SCRN3: variants seen among roughly 807,000 people sequenced by gnomAD.
SCRN3 encodes the protein secernin-3.
Under a neutral mutation model 43.1 loss-of-function variants are expected in SCRN3, and 39 were observed. The observed-to-expected ratio is 0.91, with a 90% confidence interval of 0.70 to 1.18. SCRN3 has a LOEUF of 1.18. SCRN3 is among the 50% of genes most tolerant of loss of function. SCRN3 has a pLI of 0.00. For synonymous variants in SCRN3, 147 were observed against 163.1 expected, an observed-to-expected ratio of 0.90 and a Z score of 0.75; for missense variants, 484 against 498.0, an observed-to-expected ratio of 0.97 and a Z score of 0.27.
At chr2:174,409,812 C>G (rs556908298) in intron 5 of SCRN3, among the ~76,000 whole-genome samples, 1 of 142,790 alleles carries the variant, frequency 7.0e-6, no homozygotes, top group Admixed American at 7.0e-5. Flanking sequence ...GGCAGTCTGC[C>G]GGTTCTCAGA....
chr2:174,424,713 A>G lies in SCRN3; in HGVS notation c.1092+64A>G. ...AAAGTTAGATTCAATCCGTATTTTG[A>G]ACTTTGGAGTATCAGCTTTCCTCCC... On this transcript the variant is annotated intron_variant, in intron 7 of 7. Coordinates refer to ENST00000272732, the MANE Select transcript of SCRN3 (RefSeq NM_024583.5). The G allele has an allele frequency of 2.3e-6, 3 of 1,320,872 alleles. No individual in the cohort carries two copies. The South Asian group carries it at 4.2e-5, about 19-fold the overall frequency. 81.8% of individuals were successfully genotyped at this position (1,320,872 alleles called of 1,614,324 possible).
In SCRN3 at chr2:174,404,194, T is replaced by G; in HGVS notation, c.633T>G (p.Gly211=). The change falls in exon 5 of 8, where the codon GGT becomes GGG. Residue 211 remains glycine (G), a synonymous_variant. Coordinates refer to ENST00000272732, the MANE Select transcript of SCRN3 (RefSeq NM_024583.5). ...PDMRNYAKRK[G]WWDGKKEFDF... is the part of the protein sequence containing the mutation. ...TGAGAAACTATGCTAAGCGGAAAGG[T>G]TGGTGGGATGGTAAAAAGGAGTTTG... 6.2e-7 allele frequency: 1 copy of G among 1,613,618 alleles called. No individual in the cohort carries two copies. The highest frequency in any genetic ancestry group is 1.7e-5 in the Admixed American group (1 of 59,938).
chr2:174,398,045 C>G, intron 1 of SCRN3: 1 of 258,760 alleles, frequency 3.9e-6, no homozygotes, highest in South Asian at 7.4e-5. Context: ...GGAGGATCTC[C>G]TGAGCCCAGG....
intron 5 of SCRN3, among the ~76,000 whole-genome samples, chr2:174,421,866 A>G (rs1439429368): frequency 6.6e-6 from 1 of 152,170 alleles, no homozygotes; most frequent in African/African-American, 2.4e-5. Context: ...TAAGTTCTGT[A>G]TGGGTCCTGC....
At chr2:174,396,975 T>C in intron 1 of SCRN3, 1 of 595,992 alleles carries the variant, frequency 1.7e-6, no homozygotes, top group Non-Finnish European at 2.1e-6. Flanking sequence ...ATTTTTCTGA[T>C]GAGGCAGAAG....
At chr2:174,401,757 G>C (rs1685515719) in intron 4 of SCRN3, among the ~76,000 whole-genome samples, 1 of 152,192 alleles carries the variant, frequency 6.6e-6, no homozygotes, top group Admixed American at 6.5e-5. Context: ...GAGATGTAAA[G>C]TGATTTAAGG....
At chr2:174,413,586 C>CTTTTTTTTTTTTTTTTTTTTTT (rs10524979) in intron 5 of SCRN3, among the ~76,000 whole-genome samples, 2 of 90,226 alleles carry the variant, frequency 2.2e-5, no homozygotes, top group African/African-American at 3.7e-5. Flanking sequence ...TTTGTCTTTC[C>CTTTTTTTTTTTTTTTTTTTTTT]TTTTTTTTTT....
chr2:174,417,976 A>G (rs1464195178), intron 5 of SCRN3, among the ~76,000 whole-genome samples: 1 of 152,242 alleles, frequency 6.6e-6, no homozygotes, highest in Non-Finnish European at 1.5e-5. Context: ...TTAAAGGCTC[A>G]GGAAATAAAT....
chr2:174,419,647 CCAA>C (rs1686229477), intron 5 of SCRN3, among the ~76,000 whole-genome samples: 2 of 152,108 alleles, frequency 1.3e-5, no homozygotes, highest in Non-Finnish European at 2.9e-5. Flanking sequence ...CCTCAGACTC[CCAA>C]ACTGGTGGGA....
chr2:174,423,625 A>C (rs1431528864), intron 6 of SCRN3, among the ~76,000 whole-genome samples: 1 of 151,890 alleles, frequency 6.6e-6, no homozygotes, highest in African/African-American at 2.4e-5. Flanking sequence ...GTGCGCCACC[A>C]CACCCAGCTA....
chr2:174,413,901 C>A (rs1177736365), intron 5 of SCRN3, among the ~76,000 whole-genome samples: 1 of 151,976 alleles, frequency 6.6e-6, no homozygotes, highest in Non-Finnish European at 1.5e-5. Context: ...TGCCCCCTCA[C>A]TTCCTACTGC....
chr2:174,395,941 C>T, intron 1 of SCRN3, 124 bp downstream of exon 1: 1 of 1,409,060 alleles, frequency 7.1e-7, no homozygotes, highest in Non-Finnish European at 9.2e-7. Context: ...GCGGTTTGAG[C>T]GCCCAGGGCC....
At chr2:174,418,748 G>T (rs188359164) in intron 5 of SCRN3, among the ~76,000 whole-genome samples, 11 of 152,258 alleles carry the variant, frequency 7.2e-5, no homozygotes, top group Non-Finnish European at 1.3e-4. Context: ...AGGCTCACTA[G>T]GTGTTGAAAC....
chr2:174,421,103 A>T (rs963728517), intron 5 of SCRN3, among the ~76,000 whole-genome samples: 3 of 152,234 alleles, frequency 2.0e-5, no homozygotes, highest in Non-Finnish European at 4.4e-5. Context: ...CAAGGAACAA[A>T]TATAAAGCTG....
chr2:174,426,536 C>G (rs1351553026), intron 7 of SCRN3, among the ~76,000 whole-genome samples: 1 of 152,110 alleles, frequency 6.6e-6, no homozygotes, highest in Non-Finnish European at 1.5e-5. Context: ...CTTTGGGAGG[C>G]CAAGGCGGGT....
intron 2 of SCRN3, 93 bp from the exon 3 acceptor site, chr2:174,399,829 T>C (rs750260858): frequency 4.9e-5 from 45 of 910,548 alleles, no homozygotes; most frequent in Non-Finnish European, 1.0e-5. Flanking sequence ...CATAACAGTT[T>C]TGTCTTCTGA....
intron 1 of SCRN3, chr2:174,397,459 T>C: frequency 1.3e-6 from 1 of 764,482 alleles, no homozygotes. Flanking sequence ...TATGTGAACT[T>C]TCTCCTAGAA....
intron 5 of SCRN3, among the ~76,000 whole-genome samples, chr2:174,420,320 T>A (rs1211495703): frequency 6.6e-6 from 1 of 152,150 alleles, no homozygotes; most frequent in Non-Finnish European, 1.5e-5. Context: ...AAACAAGGGA[T>A]AGACTAGTCT....
intron 4 of SCRN3, among the ~76,000 whole-genome samples, chr2:174,403,743 G>T (rs56307629): frequency 0.19 from 29,618 of 151,968 alleles, 3,375 homozygotes; most frequent in Middle Eastern, 0.37. Context: ...GCAACATGAG[G>T]GATCCTTGTG....
Sources: allele counts gnomAD v4.1 joint callset (sites outside exome capture counted in the v4.1 genomes callset), GRCh38; gene constraint gnomAD v4.1.1; transcripts MANE v1.5; gene names NCBI Gene and HGNC (gene_info 2026-07-23, HGNC 2026-07-21).